RASGRF2: variants seen among roughly 807,000 people sequenced by gnomAD.
The protein encoded by RASGRF2 is Ras protein specific guanine nucleotide releasing factor 2.
A neutral mutation model predicts 151.0 loss-of-function variants in RASGRF2; 76 were observed. That is an observed-to-expected ratio of 0.50 (90% CI 0.42 to 0.61). The LOEUF is 0.61. RASGRF2 is among the 20% of genes least tolerant of loss of function. The pLI, the probability that RASGRF2 is intolerant of heterozygous loss-of-function variation, is 0.00. For synonymous variants in RASGRF2, 504 were observed against 566.5 expected (o/e 0.89, Z 1.57); for missense variants, 1,148 against 1,564.6 (o/e 0.73, Z 4.49).
chr5:81,057,578 CAT>C (rs1751264918), intron 2 of RASGRF2, among the ~76,000 whole-genome samples: 1 of 151,910 alleles, frequency 6.6e-6, no homozygotes. Context: ...GATTATTGTA[CAT>C]ATTTACGAGG....
At chr5:81,084,709 C>T (rs1193410051) in intron 7 of RASGRF2, among the ~76,000 whole-genome samples, 1 of 152,228 alleles carries the variant, frequency 6.6e-6, no homozygotes, top group East Asian at 1.9e-4. Context: ...GGTAGGGCCA[C>T]TGACCCTTCA....
chr5:81,221,982 C>T (rs144323740), intron 26 of RASGRF2, among the ~76,000 whole-genome samples: 138 of 152,270 alleles, frequency 9.1e-4, no homozygotes, highest in African/African-American at 3.1e-3. Flanking sequence ...CAGAGCAACA[C>T]GCTGACTCTG....
intron 17 of RASGRF2, among the ~76,000 whole-genome samples, chr5:81,170,302 C>T (rs1754630676): frequency 2.6e-5 from 4 of 152,394 alleles, no homozygotes; most frequent in Admixed American, 6.5e-5. Flanking sequence ...CTCCAGTGCA[C>T]ACTGCACATG....
chr5:81,043,027 C>G, intron 2 of RASGRF2, 44 bp downstream of exon 2: 1 of 1,461,472 alleles, frequency 6.8e-7, no homozygotes, highest in South Asian at 1.2e-5. Context: ...TGTCTGGGTC[C>G]TGCATTGGGG....
chr5:81,032,665 T>C (rs111554753), intron 1 of RASGRF2, among the ~76,000 whole-genome samples: 7 of 152,094 alleles, frequency 4.6e-5, no homozygotes, highest in East Asian at 1.9e-4. Flanking sequence ...TAAGAGCTAT[T>C]TATGACAAAC....
chr5:81,025,041 G>A (rs964881015), intron 1 of RASGRF2, among the ~76,000 whole-genome samples: 9 of 152,126 alleles, frequency 5.9e-5, no homozygotes, highest in Non-Finnish European at 1.3e-4. Flanking sequence ...CAGTCTTTGG[G>A]GATGCTCCCC....
At position 81,093,090 on chromosome 5, in the gene RASGRF2, G is replaced by A; in HGVS notation, c.1551+129G>A. Reference sequence around the variant, plus strand: ...ATTGTCATGATTGCATAATGAGTGAGGTAATGTACTGTTACCAACTCTGCC... The same window carrying A: ...ATTGTCATGATTGCATAATGAGTGAAGTAATGTACTGTTACCAACTCTGCC... On this transcript the variant is annotated intron_variant, in intron 10 of 26. Transcript: ENST00000265080. 4 of 968,322 alleles carry A rather than the reference G, an allele frequency of 4.1e-6. No individual in the cohort carries two copies. The South Asian group carries it at 7.3e-5, about 18-fold the overall frequency. The allele number at this position is 968,322 out of a possible 1,614,324, so 60.0% of individuals were successfully genotyped here. A position where few individuals can be genotyped will look rare whatever the true frequency, so the allele number is the denominator to read the frequency against.
chr5:81,187,332 TC>T (rs1755047362), intron 18 of RASGRF2, among the ~76,000 whole-genome samples: 1 of 152,196 alleles, frequency 6.6e-6, no homozygotes, highest in East Asian at 1.9e-4. Flanking sequence ...ATGTTAATAG[TC>T]CCACGTGACT....
At chr5:81,029,373 G>A (rs1339807034) in intron 1 of RASGRF2, among the ~76,000 whole-genome samples, 1 of 152,246 alleles carries the variant, frequency 6.6e-6, no homozygotes, top group African/African-American at 2.4e-5. Context: ...TGACCCCCGA[G>A]TAGCCCAATT....
chr5:81,073,540 A>C, intron 5 of RASGRF2, 88 bp downstream of exon 5: 29 of 1,370,406 alleles, frequency 2.1e-5, no homozygotes, highest in Middle Eastern at 2.2e-4. Flanking sequence ...AAAGGGTCTC[A>C]TAAATTCATC....
intron 1 of RASGRF2, among the ~76,000 whole-genome samples, chr5:81,006,913 C>A (rs1749287947): frequency 6.6e-6 from 1 of 152,156 alleles, no homozygotes; most frequent in Admixed American, 6.5e-5. Flanking sequence ...TTCTGCGGGC[C>A]CACGAGACAT....
intron 25 of RASGRF2, among the ~76,000 whole-genome samples, chr5:81,219,223 C>T (rs78539670): frequency 0.031 from 4,674 of 152,084 alleles, 163 homozygotes; most frequent in African/African-American, 0.089. Flanking sequence ...GGATTACAAG[C>T]CCACGACACC....
intron 3 of RASGRF2, among the ~76,000 whole-genome samples, chr5:81,069,821 T>G (rs928331266): frequency 2.6e-5 from 4 of 152,226 alleles, no homozygotes; most frequent in Non-Finnish European, 5.9e-5. Flanking sequence ...AAGAGCCTGC[T>G]GTTGAGTGCC....
chr5:81,129,252 T>C (rs995640191), intron 17 of RASGRF2, among the ~76,000 whole-genome samples: 4 of 152,228 alleles, frequency 2.6e-5, no homozygotes, highest in Admixed American at 6.5e-5. Context: ...ACATGAGAGA[T>C]GGCATATTTT....
At chr5:81,221,793 A>G (rs552519243) in intron 26 of RASGRF2, among the ~76,000 whole-genome samples, 1 of 152,210 alleles carries the variant, frequency 6.6e-6, no homozygotes, top group Non-Finnish European at 1.5e-5. Context: ...CCTGGCCAAC[A>G]TGGTGAAACC....
intron 2 of RASGRF2, among the ~76,000 whole-genome samples, chr5:81,044,462 C>T (rs984213289): frequency 1.3e-5 from 2 of 152,042 alleles, no homozygotes; most frequent in African/African-American, 4.8e-5. Context: ...TGAGTGAGTT[C>T]AGGCTGTTCT....
intron 18 of RASGRF2, among the ~76,000 whole-genome samples, chr5:81,183,789 G>A (rs761207701): frequency 1.2e-4 from 19 of 152,094 alleles, no homozygotes; most frequent in South Asian, 4.2e-4. Context: ...CCACCTCTTC[G>A]GGTGTTAGTT....
At position 81,220,790 on chromosome 5, in the gene RASGRF2, A is replaced by G. The variant is rs559873703; in HGVS notation, c.3621+1012A>G. On this transcript the variant is annotated intron_variant, in intron 26 of 26. Coordinates refer to ENST00000265080, the MANE Select transcript of RASGRF2 (RefSeq NM_006909.3). ...GCCAATACCTTATTATTAACTGAAG[A>G]CCATCATTTATTCAGATTTCCTTAT... 2.0e-5 allele frequency among the ~76,000 whole-genome samples: 3 copies of G among 152,266 alleles called. No individual in the cohort carries two copies. In the South Asian group the frequency reaches 6.2e-4, roughly 32 times the overall value.
intron 1 of RASGRF2, among the ~76,000 whole-genome samples, chr5:80,994,452 A>T (rs914608262): frequency 7.9e-5 from 12 of 151,722 alleles, no homozygotes; most frequent in Non-Finnish European, 1.6e-4. Flanking sequence ...TGACGAGCTG[A>T]TGGCTTTGTC....
Sources: allele counts gnomAD v4.1 joint callset (sites outside exome capture counted in the v4.1 genomes callset), GRCh38; gene constraint gnomAD v4.1.1; transcripts MANE v1.5; gene names NCBI Gene and HGNC (gene_info 2026-07-23, HGNC 2026-07-21).